Variants in SCRG1 observed in about 807,000 individuals in gnomAD.
SCRG1 encodes scrapie-responsive protein 1.
A neutral mutation model predicts 7.7 loss-of-function variants in SCRG1; 3 were observed. The ratio of observed to expected loss-of-function variants is 0.39; its 90% CI spans 0.18 to 1.01. The LOEUF (loss-of-function observed/expected upper bound fraction) is 1.01, where lower values mean the gene tolerates loss of function less well. SCRG1 is among the 50% of genes least tolerant of loss of function. The pLI, the probability that SCRG1 is intolerant of heterozygous loss-of-function variation, is 0.36. For synonymous variants in SCRG1, 46 were observed against 41.2 expected (o/e 1.12, Z -0.44); for missense variants, 110 against 117.2 (o/e 0.94, Z 0.28).
At chr4:173,484,765 A>G in the SCRG1 span, among the ~76,000 whole-genome samples, 2 of 93,286 alleles carry the variant, frequency 2.1e-5, 1 homozygote, top group Non-Finnish European at 3.7e-5. Context: ...CATATAATAC[A>G]TATTATATAT....
the SCRG1 span, among the ~76,000 whole-genome samples, chr4:173,483,199 T>TGA: frequency 1.4e-5 from 1 of 73,886 alleles, no homozygotes; most frequent in Non-Finnish European, 2.1e-5. Context: ...ATGATATATA[T>TGA]TATATGATAT....
At chr4:173,481,837 G>A in the SCRG1 span, among the ~76,000 whole-genome samples, 1 of 152,066 alleles carries the variant, frequency 6.6e-6, no homozygotes, top group African/African-American at 2.4e-5. Flanking sequence ...AGCTGTTTAT[G>A]TTATCAGTAA....
At chr4:173,403,736 T>A (rs967249824), upstream of SCRG1, among the ~76,000 whole-genome samples, 1 of 152,196 alleles carries the variant, frequency 6.6e-6, no homozygotes, top group African/African-American at 2.4e-5. Flanking sequence ...ATAACCTTTT[T>A]AGTTTCCTGG....
At chr4:173,423,193 T>A in the SCRG1 span, among the ~76,000 whole-genome samples, 1 of 152,238 alleles carries the variant, frequency 6.6e-6, no homozygotes, top group South Asian at 2.1e-4. Flanking sequence ...CAAATATTTT[T>A]AATAACACAC....
At chr4:173,498,150 T>C in the SCRG1 span, among the ~76,000 whole-genome samples, 1 of 152,364 alleles carries the variant, frequency 6.6e-6, no homozygotes, top group South Asian at 2.1e-4. Flanking sequence ...TAGAGATTTT[T>C]GTTTCTCTTA....
the SCRG1 span, among the ~76,000 whole-genome samples, chr4:173,488,138 A>T: frequency 1.5e-5 from 2 of 131,630 alleles, no homozygotes; most frequent in African/African-American, 6.4e-5. Flanking sequence ...AATAAATTTA[A>T]AAAATGGTCT....
chr4:173,398,639 C>A (rs1183880292), intron 1 of SCRG1, among the ~76,000 whole-genome samples: 2 of 152,184 alleles, frequency 1.3e-5, no homozygotes, highest in Non-Finnish European at 2.9e-5. Flanking sequence ...AAAACATTTT[C>A]TTTCTTAGAT....
At position 173,394,245 on chromosome 4, in the gene SCRG1, TTTC is replaced by T. The variant is rs370469961; in HGVS notation, c.-14-2820_-14-2818del. Among the ~76,000 whole-genome samples the T allele has an allele frequency of 3.9e-3, 591 of 152,232 alleles. 7 individuals carry two copies. Among genetic ancestry groups the T allele is most frequent in the East Asian group, 0.026 (132 of 5,176 alleles). On this transcript the variant is annotated intron_variant, in intron 1 of 2. Transcript: ENST00000296506. ...GTGTTTTGTTGGTTGTGTTTTTCTT[TTTC>T]TTCTTCTTCTTCTTTTTTTTTCCGA...
the SCRG1 span, among the ~76,000 whole-genome samples, chr4:173,501,574 T>A: frequency 6.6e-6 from 1 of 151,654 alleles, no homozygotes. This position sits in a 1 kb window ranked among gnomAD's most constrained non-coding sequence, Gnocchi z 5.1. Flanking sequence ...TCTTTCAGGG[T>A]CGTTTGGGGT....
the SCRG1 span, among the ~76,000 whole-genome samples, chr4:173,486,081 A>G: frequency 2.6e-5 from 4 of 152,206 alleles, no homozygotes; most frequent in Non-Finnish European, 4.4e-5. Flanking sequence ...ATTTTAAAGT[A>G]AATCCTAGAA....
upstream of SCRG1, among the ~76,000 whole-genome samples, chr4:173,407,650 G>A (rs1739943751): frequency 6.6e-6 from 1 of 152,150 alleles, no homozygotes; most frequent in African/African-American, 2.4e-5. Flanking sequence ...ATCATTATTT[G>A]TAATAATCTA....
chr4:173,433,550 A>G, the SCRG1 span, among the ~76,000 whole-genome samples: 3 of 152,236 alleles, frequency 2.0e-5, no homozygotes, highest in African/African-American at 7.2e-5. Flanking sequence ...TGAAAAGTGC[A>G]TTTCGCTCTG....
intron 2 of SCRG1, among the ~76,000 whole-genome samples, chr4:173,390,102 G>T (rs1739381954): frequency 6.6e-6 from 1 of 152,066 alleles, no homozygotes; most frequent in Admixed American, 6.5e-5. Flanking sequence ...GGAGTGCAAT[G>T]GCACGATCTA....
the SCRG1 span, among the ~76,000 whole-genome samples, chr4:173,510,712 G>A: frequency 6.6e-6 from 1 of 152,094 alleles, no homozygotes; most frequent in African/African-American, 2.4e-5. This position sits in a 1 kb window ranked among gnomAD's most constrained non-coding sequence, Gnocchi z 5.7. Flanking sequence ...GACGTAGCGC[G>A]CCAAAACCAA....
At chr4:173,411,015 A>T (rs1240503789), upstream of SCRG1, among the ~76,000 whole-genome samples, 1 of 152,188 alleles carries the variant, frequency 6.6e-6, no homozygotes, top group East Asian at 1.9e-4. Flanking sequence ...AGAAGGGCAG[A>T]GTGTGCAGTG....
chr4:173,436,411 C>T, the SCRG1 span, among the ~76,000 whole-genome samples: 2 of 152,210 alleles, frequency 1.3e-5, no homozygotes, highest in African/African-American at 4.8e-5. Flanking sequence ...CCAGTCAGAG[C>T]AGCCTCTGCT....
At chr4:173,396,611 C>T (rs1177593180) in intron 1 of SCRG1, among the ~76,000 whole-genome samples, 1 of 152,076 alleles carries the variant, frequency 6.6e-6, no homozygotes, top group Admixed American at 6.6e-5. Context: ...CCACATACCT[C>T]TTCTGTGTTC....
the SCRG1 span, among the ~76,000 whole-genome samples, chr4:173,483,703 T>TATATGATATATTATATTGTGATATATCA: frequency 1.9e-4 from 2 of 10,472 alleles, 1 homozygote; most frequent in African/African-American, 4.4e-4. Flanking sequence ...ATATATCATA[T>TATATGATATATTATATTGTGATATATCA]ATATGATATA....
At chr4:173,481,602 G>A in the SCRG1 span, among the ~76,000 whole-genome samples, 4 of 151,558 alleles carry the variant, frequency 2.6e-5, no homozygotes, top group Admixed American at 1.3e-4. Context: ...CACCTCTTCC[G>A]CCTCTGCCAC....
Sources: allele counts gnomAD v4.1 joint callset (sites outside exome capture counted in the v4.1 genomes callset), GRCh38; gene constraint gnomAD v4.1.1; non-coding constraint Gnocchi (gnomAD v3.1); transcripts MANE v1.5; gene names NCBI Gene and HGNC (gene_info 2026-07-23, HGNC 2026-07-21).